ZFP62: variants seen among roughly 807,000 people sequenced by gnomAD.
ZFP62 encodes zinc finger protein 62 homolog.
In ZFP62, 44 loss-of-function variants were observed where a neutral mutation model predicts 56.4. The observed-to-expected ratio is 0.78, with a 90% CI of 0.61 to 1.00. The LOEUF (loss-of-function observed/expected upper bound fraction) is 1.00, where lower values mean the gene tolerates loss of function less well. ZFP62 is among the 50% of genes least tolerant of loss of function. The pLI is 0.00. For synonymous variants in ZFP62, 421 were observed against 388.9 expected, an observed-to-expected ratio of 1.08 and a Z score of -0.97; for missense variants, 1,030 against 1,085.7, an observed-to-expected ratio of 0.95 and a Z score of 0.72.
At chr5:180,841,838 G>C in the ZFP62 span, among the ~76,000 whole-genome samples, 1 of 152,198 alleles carries the variant, frequency 6.6e-6, no homozygotes, top group Non-Finnish European at 1.5e-5. Context: ...CAGATCACTT[G>C]AGGTCAGGAG....
the ZFP62 span, chr5:180,835,610 T>C: frequency 6.6e-6 from 1 of 152,202 alleles, no homozygotes; most frequent in East Asian, 1.9e-4. Context: ...GAGGTAAAAA[T>C]GAGTTAACAT....
chr5:180,851,087 A>T lies in ZFP62; in HGVS notation c.408T>A (p.Ala136=), dbSNP rs1351926488. The T allele has an allele frequency of 3.2e-6, 5 of 1,551,584 alleles. No homozygotes were observed. The highest frequency in any genetic ancestry group is 3.5e-6 in the Non-Finnish European group (4 of 1,147,008). ...CATCACATTTATGTAATTTCTTAAC[A>T]GCATTGGTTTTCTGCTGTAGACTAG... ...SYPSLQQKTN[A]VKKLHKCDEC... Residue 136 remains alanine, a synonymous_variant, in exon 2 of 2, where the codon GCT becomes GCA. Transcript: ENST00000502412.
downstream of ZFP62, among the ~76,000 whole-genome samples, chr5:180,844,979 T>C (rs998746605): frequency 1.3e-5 from 2 of 152,154 alleles, no homozygotes; most frequent in Non-Finnish European, 2.9e-5. Flanking sequence ...ACACTATTAA[T>C]GTTTCCAACC....
At chr5:180,846,494 A>G (rs1440467368), downstream of ZFP62, among the ~76,000 whole-genome samples, 1 of 152,222 alleles carries the variant, frequency 6.6e-6, no homozygotes, top group Non-Finnish European at 1.5e-5. Flanking sequence ...ACTACGGGGA[A>G]CGAGTACTCC....
chr5:180,828,764 C>A, the ZFP62 span, among the ~76,000 whole-genome samples: 1 of 152,182 alleles, frequency 6.6e-6, no homozygotes, highest in Non-Finnish European at 1.5e-5. Flanking sequence ...TAAGGTCTGA[C>A]TGCCTGCGGG....
At chr5:180,857,427 T>C (rs1182201712) in intron 1 of ZFP62, among the ~76,000 whole-genome samples, 7 of 152,216 alleles carry the variant, frequency 4.6e-5, no homozygotes, top group Admixed American at 1.3e-4. Flanking sequence ...CTCTGTTAGA[T>C]AATATCAAGG....
At chr5:180,833,909 TC>T in the ZFP62 span, among the ~76,000 whole-genome samples, 2 of 152,106 alleles carry the variant, frequency 1.3e-5, no homozygotes, top group African/African-American at 4.8e-5. Flanking sequence ...GACCTCATGA[TC>T]CGCCCGCCTC....
intron 1 of ZFP62, 37 bp downstream of exon 1, chr5:180,861,182 C>CG: frequency 2.5e-6 from 1 of 398,336 alleles, no homozygotes; most frequent in Non-Finnish European, 4.4e-6. Context: ...AGGCAAGGGC[C>CG]GGGGGCGGGA....
the ZFP62 span, chr5:180,835,496 G>A: frequency 1.3e-5 from 2 of 152,140 alleles, no homozygotes; most frequent in Admixed American, 6.5e-5. Context: ...TTGTGACCCT[G>A]GCATTTAATA....
In ZFP62 at chr5:180,851,445, TA is replaced by T. The variant is rs1388427640; in HGVS notation, c.49del (p.Tyr17MetfsTer33). 1.2e-5 allele frequency: 19 copies of T among 1,551,406 alleles called. No homozygotes were observed. Among genetic ancestry groups the T allele is most frequent in the Non-Finnish European group, 1.7e-5 (19 of 1,146,900 alleles). ...AGATGCTGCATTTCCAACATTTTCA[TA>T]TTCTTCAGTTGGTTCCTCATCCTCA... is the stretch of plus-strand genomic sequence containing the variant. ...STEDEEPTEE[Y>X]ENVGNAASKW... On this transcript the variant is annotated frameshift_variant, in exon 2 of 2. Coordinates refer to ENST00000502412, the MANE Select transcript of ZFP62 (RefSeq NM_001172638.2). LOFTEE classifies it high-confidence loss of function.
In ZFP62 at chr5:180,848,564, T is replaced by A; in HGVS notation, c.*228A>T. The A allele has an allele frequency of 8.1e-7, 1 of 1,234,906 alleles. No homozygotes were observed. Among genetic ancestry groups the A allele is most frequent in the African/African-American group, 1.5e-5 (1 of 65,432 alleles). The allele number at this position is 1,234,906 out of a possible 1,614,324, so 76.5% of individuals were successfully genotyped here. A position where few individuals can be genotyped will look rare whatever the true frequency, so the allele number is the denominator to read the frequency against. ...CACATTCCATCACTCAGATCTAAGT[T>A]TTTCTCTCAAGTATGGACTGTTTTA... On this transcript the variant is annotated 3_prime_UTR_variant, in exon 2 of 2. Coordinates refer to ENST00000502412, the MANE Select transcript of ZFP62 (RefSeq NM_001172638.2).
chr5:180,856,041 T>C (rs1288554571), intron 1 of ZFP62, among the ~76,000 whole-genome samples: 3 of 152,220 alleles, frequency 2.0e-5, no homozygotes, highest in Non-Finnish European at 2.9e-5. Flanking sequence ...CTTTGACAAG[T>C]GGATTATTCG....
intron 1 of ZFP62, among the ~76,000 whole-genome samples, chr5:180,858,957 A>C (rs1158848401): frequency 2.6e-5 from 4 of 152,326 alleles, no homozygotes; most frequent in South Asian, 4.1e-4. Flanking sequence ...TACGACCAAC[A>C]ACCTCTGGGC....
chr5:180,841,261 A>C, the ZFP62 span, among the ~76,000 whole-genome samples: 1 of 57,716 alleles, frequency 1.7e-5, no homozygotes, highest in Non-Finnish European at 3.5e-5. Flanking sequence ...ATACACACAC[A>C]CACACACATA....
chr5:180,838,983 C>G, the ZFP62 span, among the ~76,000 whole-genome samples: 1 of 152,060 alleles, frequency 6.6e-6, no homozygotes, highest in Non-Finnish European at 1.5e-5. Context: ...ACTGTTGATA[C>G]TAACAAAAAC....
At chr5:180,841,911 G>A in the ZFP62 span, among the ~76,000 whole-genome samples, 2 of 152,104 alleles carry the variant, frequency 1.3e-5, no homozygotes, top group Non-Finnish European at 2.9e-5. Context: ...AATTAGCCAG[G>A]CATGGTGGTG....
intron 1 of ZFP62, 122 bp from the exon 2 acceptor site, chr5:180,851,615 G>GTACCGTGTGACAGC (rs1313035552): frequency 8.7e-7 from 1 of 1,151,894 alleles, no homozygotes; most frequent in African/African-American, 1.6e-5. Flanking sequence ...TGTGTGACAG[G>GTACCGTGTGACAGC]TACCATGTGC....
chr5:180,828,963 A>C, the ZFP62 span, among the ~76,000 whole-genome samples: 107,136 of 152,136 alleles, frequency 0.7, 41,237 homozygotes, highest in East Asian at 0.95. Flanking sequence ...TGCGGTAGCG[A>C]TAAGGACTGA....
chr5:180,839,614 G>A, the ZFP62 span, among the ~76,000 whole-genome samples: 6 of 152,330 alleles, frequency 3.9e-5, no homozygotes, highest in East Asian at 1.2e-3. Flanking sequence ...CTACTTGAGG[G>A]TGAAGGGCAG....
Sources: allele counts gnomAD v4.1 joint callset (sites outside exome capture counted in the v4.1 genomes callset), GRCh38; gene constraint gnomAD v4.1.1; transcripts MANE v1.5; gene names NCBI Gene and HGNC (gene_info 2026-07-23, HGNC 2026-07-21).